Variants in KIF6 observed in about 807,000 individuals in gnomAD.
KIF6 encodes kinesin family member 6.
Under a neutral mutation model 112.7 loss-of-function variants are expected in KIF6, and 106 were observed. The observed-to-expected ratio is 0.94, with a 90% CI of 0.80 to 1.11. The LOEUF is 1.11. KIF6 is among the 50% of genes least tolerant of loss of function. The pLI, the probability that KIF6 is intolerant of heterozygous loss-of-function variation, is 0.00. For missense variants in KIF6, 929 were observed against 964.0 expected, an observed-to-expected ratio of 0.96 and a Z score of 0.48; for synonymous variants, 339 against 339.9, an observed-to-expected ratio of 1.00 and a Z score of 0.03.
intron 7 of KIF6, among the ~76,000 whole-genome samples, chr6:39,591,450 A>C (rs569754632): frequency 6.6e-6 from 1 of 152,360 alleles, no homozygotes; most frequent in Non-Finnish European, 1.5e-5. Flanking sequence ...TATCTCACAA[A>C]AATGTTTTAA....
At chr6:39,358,035 A>G (rs1328290690) in intron 18 of KIF6, among the ~76,000 whole-genome samples, 1 of 152,192 alleles carries the variant, frequency 6.6e-6, no homozygotes, top group Non-Finnish European at 1.5e-5. Context: ...TCCTTGTCCC[A>G]AAGACCCCCT....
chr6:39,453,123 G>A (rs1441703841), intron 13 of KIF6, among the ~76,000 whole-genome samples: 2 of 152,326 alleles, frequency 1.3e-5, no homozygotes, highest in African/African-American at 2.4e-5. Context: ...AATGTATGAA[G>A]AATCCCAAGG....
chr6:39,391,075 A>G (rs1460874728), intron 15 of KIF6, among the ~76,000 whole-genome samples: 2 of 152,320 alleles, frequency 1.3e-5, no homozygotes, highest in South Asian at 2.1e-4. Context: ...TACTTTGAAA[A>G]TGTATTGAGT....
chr6:39,505,659 A>C (rs1776381461), intron 13 of KIF6, among the ~76,000 whole-genome samples: 2 of 152,214 alleles, frequency 1.3e-5, no homozygotes, highest in African/African-American at 4.8e-5. Flanking sequence ...TTAGAAGAAA[A>C]CAACCAAACA....
intron 5 of KIF6, among the ~76,000 whole-genome samples, chr6:39,631,161 G>A (rs1197253322): frequency 1.3e-5 from 2 of 150,560 alleles, no homozygotes; most frequent in Non-Finnish European, 3.0e-5. Context: ...TCTGCTTTTG[G>A]TATTTGGATA....
At chr6:39,620,771 T>C (rs1783772023) in intron 5 of KIF6, among the ~76,000 whole-genome samples, 1 of 151,804 alleles carries the variant, frequency 6.6e-6, no homozygotes. Flanking sequence ...TATTTATTTA[T>C]TTATTTATTT....
chr6:39,531,567 T>C (rs1378127272), intron 13 of KIF6, among the ~76,000 whole-genome samples: 1 of 152,140 alleles, frequency 6.6e-6, no homozygotes, highest in Non-Finnish European at 1.5e-5. Flanking sequence ...GGTTCTAACA[T>C]GAGTACCGAT....
intron 15 of KIF6, among the ~76,000 whole-genome samples, chr6:39,414,930 T>C (rs1180997143): frequency 6.6e-6 from 1 of 152,080 alleles, no homozygotes; most frequent in African/African-American, 2.4e-5. Flanking sequence ...GGCTCATGCC[T>C]GTAATCCCAA....
At position 39,343,795 on chromosome 6, in the gene KIF6, G is replaced by A. The variant is rs180943940; in HGVS notation, c.2342C>T (p.Ser781Leu). The change falls in exon 22 of 23, where the codon TCG (serine) becomes TTG (leucine). Residue 781 changes from serine (S) to leucine (L), a missense_variant. Ser to Leu is a moderately radical substitution (Grantham distance 145). Transcript: ENST00000287152. The surrounding 1 kb of genome is among the most constrained non-coding windows in gnomAD (Gnocchi z 4.1). ...LEDSIPKRPV[S>L]SIPLTGDSQT... The stretch of plus-strand genomic sequence containing the variant: ...GCTGTCTCCGGTGAGAGGGATGGAC[G>A]ACACTGGCCTCTTGGGGATGCTGGA... 182 of 1,610,002 alleles carry A rather than the reference G, an allele frequency of 1.1e-4. 1 individual carries two copies. In the East Asian group the frequency reaches 3.8e-3, roughly 34 times the overall value.
intron 16 of KIF6, among the ~76,000 whole-genome samples, chr6:39,370,392 G>C (rs1296983803): frequency 6.6e-6 from 1 of 152,190 alleles, no homozygotes; most frequent in Non-Finnish European, 1.5e-5. Context: ...TGGCTAATTA[G>C]AGAAATTTCA....
chr6:39,718,867 G>A (rs972175654), intron 2 of KIF6, among the ~76,000 whole-genome samples: 1 of 152,144 alleles, frequency 6.6e-6, no homozygotes, highest in Non-Finnish European at 1.5e-5. Context: ...GCAACAATAG[G>A]TTAGCAAGCC....
chr6:39,595,997 A>T, intron 7 of KIF6, 57 bp downstream of exon 7: 3 of 1,326,308 alleles, frequency 2.3e-6, no homozygotes, highest in Non-Finnish European at 3.2e-6. Context: ...GATACATAGT[A>T]TGTGGTCAAC....
intron 13 of KIF6, among the ~76,000 whole-genome samples, chr6:39,510,829 CA>C (rs2150509129): frequency 1.4e-5 from 1 of 69,994 alleles, no homozygotes; most frequent in East Asian, 5.3e-4. Flanking sequence ...CACATAGGCT[CA>C]AAATAAAGCG....
At position 39,361,760 on chromosome 6, in the gene KIF6, T is replaced by C. The variant is rs188063760; in HGVS notation, c.1946+674A>G. The stretch of plus-strand genomic sequence containing the variant: ...TGAAGACCAGCGCCTGGGGCTTTGA[T>C]CTCCTGGGTGTGCGTCGGGGGGCAG... On this transcript the variant is annotated intron_variant, in intron 17 of 22. Coordinates refer to ENST00000287152, the MANE Select transcript of KIF6 (RefSeq NM_145027.6). Among the ~76,000 whole-genome samples the C allele has an allele frequency of 2.7e-3, 405 of 147,578 alleles. 1 individual carries two copies. The highest frequency in any genetic ancestry group is 4.3e-3 in the Non-Finnish European group (292 of 67,198).
intron 13 of KIF6, among the ~76,000 whole-genome samples, chr6:39,444,350 AT>A (rs1329446160): frequency 6.6e-6 from 1 of 152,154 alleles, no homozygotes; most frequent in African/African-American, 2.4e-5. Flanking sequence ...TTACAATGTG[AT>A]GATTTGATGC....
intron 19 of KIF6, among the ~76,000 whole-genome samples, 169 bp from the exon 20 acceptor site, chr6:39,346,695 TGGAGTGCAG>T (rs1235132348): frequency 6.6e-6 from 1 of 152,220 alleles, no homozygotes; most frequent in African/African-American, 2.4e-5. Flanking sequence ...TTGCCCAAGC[TGGAGTGCAG>T]TGGCATGATC....
intron 14 of KIF6, among the ~76,000 whole-genome samples, chr6:39,430,830 C>A (rs1771101956): frequency 6.6e-6 from 1 of 152,160 alleles, no homozygotes; most frequent in Non-Finnish European, 1.5e-5. Context: ...AGTAACAGAC[C>A]CTGCCCTAAA....
intron 10 of KIF6, among the ~76,000 whole-genome samples, chr6:39,545,901 C>G (rs905114798): frequency 6.6e-6 from 1 of 152,136 alleles, no homozygotes; most frequent in Non-Finnish European, 1.5e-5. Context: ...AGTGAATTTT[C>G]TTATGAAGCT....
intron 9 of KIF6, chr6:39,583,406 C>T (rs1354570321): frequency 4.2e-6 from 2 of 471,378 alleles, no homozygotes; most frequent in Admixed American, 2.3e-5. Flanking sequence ...TGACCAGGGC[C>T]TTTGCTGAAA....
Sources: gnomAD v4.1 joint callset for allele counts (sites outside exome capture counted in the v4.1 genomes callset) on GRCh38, gnomAD v4.1.1 for gene constraint, Gnocchi (gnomAD v3.1) non-coding constraint, MANE v1.5 for transcripts, NCBI Gene and HGNC (gene_info 2026-07-23, HGNC 2026-07-21) for gene names.